Variants in CD96 observed in about 807,000 individuals in gnomAD.
The protein encoded by CD96 is CD96 molecule.
In CD96, 70 loss-of-function variants were observed where a neutral mutation model predicts 71.3. That is an observed-to-expected ratio of 0.98 (90% CI 0.81 to 1.20). The LOEUF is 1.20. Ranked by LOEUF, CD96 falls within the 50% of genes most tolerant of loss-of-function variation. The pLI is 0.00. For synonymous variants in CD96, 248 were observed against 233.0 expected (o/e 1.06, Z -0.59); for missense variants, 742 against 677.5 (o/e 1.10, Z -1.06).
chr3:111,562,171 G>T (rs1478152237), intron 2 of CD96, among the ~76,000 whole-genome samples: 2 of 152,218 alleles, frequency 1.3e-5, no homozygotes, highest in African/African-American at 4.8e-5. Context: ...CCGGTCTTCT[G>T]CGTCGCTCAC....
chr3:111,552,269 T>G (rs185264678), intron 2 of CD96, among the ~76,000 whole-genome samples: 3 of 152,230 alleles, frequency 2.0e-5, no homozygotes, highest in Non-Finnish European at 4.4e-5. Flanking sequence ...TAAAAATGTG[T>G]GTTTGTCCCC....
At chr3:111,554,034 GT>G (rs1343373953) in intron 2 of CD96, among the ~76,000 whole-genome samples, 1 of 151,846 alleles carries the variant, frequency 6.6e-6, no homozygotes, top group Non-Finnish European at 1.5e-5. Flanking sequence ...GTCAAGAAAA[GT>G]TTTCTTCATT....
intron 13 of CD96, 50 bp from the exon 14 acceptor site, chr3:111,649,648 A>T: frequency 9.3e-7 from 1 of 1,073,308 alleles, no homozygotes; most frequent in Non-Finnish European, 1.5e-6. Context: ...GTGTGTGTGC[A>T]TAAGACTCCC....
chr3:111,596,906 T>G (rs1293488178), intron 5 of CD96, among the ~76,000 whole-genome samples: 1 of 152,216 alleles, frequency 6.6e-6, no homozygotes, highest in African/African-American at 2.4e-5. Flanking sequence ...ATCTTGGATA[T>G]GCTAGACAAC....
In CD96 at chr3:111,594,016, G is replaced by A. The variant is rs751541273; in HGVS notation, c.808-4104G>A. ...GGTGCCCAGCACGAGCAGGAGCTAG[G>A]TGGAAATATTCCCATGCCTCAGAGA... On this transcript the variant is annotated intron_variant, in intron 5 of 13. Coordinates refer to ENST00000352690, the MANE Select transcript of CD96 (RefSeq NM_005816.5). 18 of 1,614,076 alleles carry A rather than the reference G, an allele frequency of 1.1e-5. No homozygotes were observed. The South Asian group carries it at 1.8e-4, about 16-fold the overall frequency.
At chr3:111,664,464 C>T (rs1310851697) in intron 14 of CD96, among the ~76,000 whole-genome samples, 2 of 152,012 alleles carry the variant, frequency 1.3e-5, no homozygotes, top group East Asian at 3.9e-4. Context: ...ACATTTAGCA[C>T]ATCTGGACAT....
chr3:111,599,210 C>T (rs1937388390), intron 6 of CD96, among the ~76,000 whole-genome samples: 1 of 152,004 alleles, frequency 6.6e-6, no homozygotes, highest in South Asian at 2.1e-4. Flanking sequence ...CCTCGTGATC[C>T]GCCCGCCTCA....
At chr3:111,617,840 A>C (rs930882562) in intron 8 of CD96, among the ~76,000 whole-genome samples, 1 of 152,244 alleles carries the variant, frequency 6.6e-6, no homozygotes, top group African/African-American at 2.4e-5. Flanking sequence ...AGCAATGAGA[A>C]GGAGAGAAGA....
At chr3:111,655,645 G>A (rs1576441476), downstream of CD96, among the ~76,000 whole-genome samples, 1 of 152,166 alleles carries the variant, frequency 6.6e-6, no homozygotes, top group South Asian at 2.1e-4. Flanking sequence ...AGAAGCATCT[G>A]ATGATAGAAA....
At chr3:111,648,148 G>C (rs930183439) in intron 13 of CD96, among the ~76,000 whole-genome samples, 1 of 152,092 alleles carries the variant, frequency 6.6e-6, no homozygotes, top group Non-Finnish European at 1.5e-5. Context: ...AAGCAGAAAA[G>C]AAAGTAAGCA....
rs556492818 is a variant in CD96, at chr3:111,555,227, A to T, written c.418+9825A>T. On this transcript the variant is annotated intron_variant, in intron 2 of 13. Coordinates refer to ENST00000352690, the MANE Select transcript of CD96 (RefSeq NM_005816.5). Reference sequence around the variant, plus strand: ...CTTTAACAAAATTAAGAGAAAAGAAAAGAAAAATAAATGTATGTATAGTTT... The same window carrying T: ...CTTTAACAAAATTAAGAGAAAAGAATAGAAAAATAAATGTATGTATAGTTT... Among the ~76,000 whole-genome samples the T allele has an allele frequency of 2.0e-4, 3 of 15,236 alleles. No individual in the cohort carries two copies. In the East Asian group the frequency reaches 3.6e-3, roughly 18 times the overall value. The allele number at this position is 15,236 out of a possible 152,430, so 10.0% of individuals were successfully genotyped here.
intron 10 of CD96, 135 bp downstream of exon 10, chr3:111,624,539 T>C: frequency 1.4e-6 from 1 of 690,464 alleles, no homozygotes; most frequent in East Asian, 2.7e-5. Context: ...ATGTTTAAAG[T>C]ATTGTTGTAG....
At position 111,542,223 on chromosome 3, in the gene CD96, TG is replaced by T; in HGVS notation, c.-25del. On this transcript the variant is annotated 5_prime_UTR_variant, in exon 1 of 14. The change abolishes an upstream ATG in the 5' untranslated region. Coordinates refer to ENST00000352690, the MANE Select transcript of CD96 (RefSeq NM_005816.5). ...ATTGACTTTGTGATCATTACAGAAATGCTGGTGTAAGGTGTTCAGAAGACAA... is the reference window on the plus strand; with the variant it reads ...ATTGACTTTGTGATCATTACAGAAATCTGGTGTAAGGTGTTCAGAAGACAA... 6.2e-7 allele frequency: 1 copy of T among 1,603,708 alleles called. No homozygotes were observed. Among genetic ancestry groups the T allele is most frequent in the Non-Finnish European group, 8.5e-7 (1 of 1,170,530 alleles).
At chr3:111,648,350 A>T (rs76112923) in intron 13 of CD96, among the ~76,000 whole-genome samples, 4,173 of 152,274 alleles carry the variant, frequency 0.027, 223 homozygotes, top group African/African-American at 0.096. Context: ...CTACTCTAAG[A>T]TAACATTAAC....
chr3:111,593,539 C>T, intron 5 of CD96: 2 of 1,512,020 alleles, frequency 1.3e-6, no homozygotes, highest in Non-Finnish European at 1.8e-6. Context: ...ATTCTCCAAG[C>T]CCAATTTAAA....
intron 10 of CD96, among the ~76,000 whole-genome samples, chr3:111,633,022 T>C (rs929231226): frequency 1.3e-5 from 2 of 152,246 alleles, no homozygotes; most frequent in African/African-American, 4.8e-5. Context: ...GGCCTAGCTT[T>C]GAGCCCATCT....
intron 10 of CD96, among the ~76,000 whole-genome samples, chr3:111,626,999 G>A (rs533985340): frequency 6.6e-6 from 1 of 152,306 alleles, no homozygotes; most frequent in East Asian, 1.9e-4. Flanking sequence ...GAGACAGGGA[G>A]AAAACATGTA....
chr3:111,597,972 C>T (rs1375468496), intron 5 of CD96, 148 bp from the exon 6 acceptor site: 3 of 651,272 alleles, frequency 4.6e-6, no homozygotes, highest in Non-Finnish European at 8.3e-6. Context: ...TCTAACACAA[C>T]CTATATTAAA....
chr3:111,545,065 C>G lies in CD96; in HGVS notation c.81C>G (p.Val27=). The part of the protein sequence containing the change: ...HFVKGVWEKT[V]NTEENVYATL... ...TTTCAGGAGTTTGGGAAAAAACAGT[C>G]AACACAGAAGAAAATGTTTATGCTA... is the stretch of plus-strand genomic sequence containing the variant. The change falls in exon 2 of 14, where the codon GTC becomes GTG. Residue 27 remains valine (V), a synonymous_variant. Coordinates refer to ENST00000352690, the MANE Select transcript of CD96 (RefSeq NM_005816.5). 1 of 1,614,024 alleles carries G rather than the reference C, an allele frequency of 6.2e-7. No homozygotes were observed. The highest frequency in any genetic ancestry group is 8.5e-7 in the Non-Finnish European group (1 of 1,179,966).
Sources: allele counts gnomAD v4.1 joint callset (sites outside exome capture counted in the v4.1 genomes callset), GRCh38; gene constraint gnomAD v4.1.1; transcripts MANE v1.5; gene names NCBI Gene and HGNC (gene_info 2026-07-23, HGNC 2026-07-21).